SMYD2: variants seen among roughly 807,000 people sequenced by gnomAD.
SMYD2 encodes the protein SET and MYND domain containing 2, also known as N-lysine methyltransferase SMYD2.
A neutral mutation model predicts 59.1 loss-of-function variants in SMYD2; 53 were observed. The observed-to-expected ratio is 0.90, with a 90% CI of 0.72 to 1.13. The LOEUF is 1.13. SMYD2 is among the 50% of genes most tolerant of loss of function. The pLI, the probability that SMYD2 is intolerant of heterozygous loss-of-function variation, is 0.00. For missense variants in SMYD2, 494 were observed against 544.7 expected (o/e 0.91, Z 0.93); for synonymous variants, 208 against 198.8 (o/e 1.05, Z -0.39).
At chr1:214,321,577 A>G (rs1439309140) in intron 5 of SMYD2, among the ~76,000 whole-genome samples, 3 of 152,156 alleles carry the variant, frequency 2.0e-5, no homozygotes, top group African/African-American at 4.8e-5. Flanking sequence ...CGTCTGGTCC[A>G]TGGGAGGCTG....
intron 1 of SMYD2, among the ~76,000 whole-genome samples, chr1:214,300,087 A>G (rs1656797479): frequency 6.6e-6 from 1 of 152,238 alleles, no homozygotes; most frequent in Non-Finnish European, 1.5e-5. Context: ...CCTTAGCATC[A>G]TGCAAAATCC....
In SMYD2 at chr1:214,334,308, G is replaced by T. The variant is rs780319511; in HGVS notation, c.1221G>T (p.Lys407Asn). The T allele has an allele frequency of 1.2e-5, 19 of 1,612,970 alleles. No individual in the cohort carries two copies. Among genetic ancestry groups the T allele is most frequent in the Non-Finnish European group, 1.5e-5 (18 of 1,179,894 alleles). Residue 407 changes from lysine to asparagine, a missense_variant and splice_region_variant, in exon 11 of 12, where the codon AAG becomes AAT. Transcript: ENST00000366957. Reference sequence around the variant, plus strand: ...CCGCAGGGGAGAAAGCCCTGAAGAAGGTATGTCTGTAACTCGGCCTTAGGA... The same window carrying T: ...CCGCAGGGGAGAAAGCCCTGAAGAATGTATGTCTGTAACTCGGCCTTAGGA... ...HKAAGEKALK[K>N]AIAIMEVAHG... is the part of the protein sequence containing the mutation.
intron 1 of SMYD2, among the ~76,000 whole-genome samples, chr1:214,296,872 TC>T (rs1344769860): frequency 1.3e-5 from 2 of 152,226 alleles, no homozygotes; most frequent in Non-Finnish European, 1.5e-5. Flanking sequence ...GCTGAGGTTT[TC>T]TTTCTTAAAA....
intron 3 of SMYD2, 81 bp from the exon 4 acceptor site, chr1:214,317,998 T>C (rs1657111656): frequency 4.0e-6 from 5 of 1,237,712 alleles, no homozygotes; most frequent in East Asian, 2.3e-5. Context: ...TTCTTTATGT[T>C]GATGTAAAAG....
intron 1 of SMYD2, among the ~76,000 whole-genome samples, chr1:214,288,395 G>T (rs537894072): frequency 6.6e-6 from 1 of 152,148 alleles, no homozygotes; most frequent in Non-Finnish European, 1.5e-5. Context: ...GCCTCTTAAA[G>T]GCCGGACTCC....
intron 7 of SMYD2, 51 bp downstream of exon 7, chr1:214,327,775 T>C: frequency 6.9e-7 from 1 of 1,455,236 alleles, no homozygotes; most frequent in Non-Finnish European, 9.7e-7. Flanking sequence ...GACTGCTCTT[T>C]AAAAGGCAAT....
intron 1 of SMYD2, among the ~76,000 whole-genome samples, chr1:214,293,426 C>T (rs1407871619): frequency 2.0e-5 from 3 of 152,146 alleles, no homozygotes; most frequent in East Asian, 3.9e-4. Context: ...ATTTATTTTA[C>T]AATAATTTAA....
intron 3 of SMYD2, among the ~76,000 whole-genome samples, chr1:214,316,132 G>T (rs1169995519): frequency 6.6e-6 from 1 of 152,154 alleles, no homozygotes; most frequent in Admixed American, 6.5e-5. Context: ...CCTCAGTGCT[G>T]TCAGAGAAGT....
intron 1 of SMYD2, among the ~76,000 whole-genome samples, chr1:214,298,453 A>G (rs1312210941): frequency 6.6e-6 from 1 of 152,242 alleles, no homozygotes; most frequent in Non-Finnish European, 1.5e-5. Context: ...TAAAAATCCT[A>G]GAACACCTAG....
intron 2 of SMYD2, among the ~76,000 whole-genome samples, chr1:214,308,583 A>G (rs1048708274): frequency 6.6e-6 from 1 of 152,116 alleles, no homozygotes; most frequent in African/African-American, 2.4e-5. Flanking sequence ...TGAGGAAGGT[A>G]ATTGAGTGAT....
At chr1:214,293,050 TGTGTGTGTGTGTGTGTG>T (rs1656663375) in intron 1 of SMYD2, among the ~76,000 whole-genome samples, 1 of 139,486 alleles carries the variant, frequency 7.2e-6, no homozygotes, top group African/African-American at 3.0e-5. Flanking sequence ...TGTGTGTGTG[TGTGTGTGTGTGTGTGTG>T]TTTGAGACAG....
chr1:214,336,865 C>A lies in SMYD2; in HGVS notation c.*81C>A. The stretch of plus-strand genomic sequence containing the variant: ...TTTGAATATTTCAAATTGCACACGT[C>A]ACTCCAGCATCTCTGTAAAATAATT... On this transcript the variant is annotated 3_prime_UTR_variant, in exon 12 of 12. Coordinates refer to ENST00000366957, the MANE Select transcript of SMYD2 (RefSeq NM_020197.3). The A allele has an allele frequency of 1.7e-6, 2 of 1,197,482 alleles. No individual in the cohort carries two copies. Among genetic ancestry groups the A allele is most frequent in the South Asian group, 1.3e-5 (1 of 74,730 alleles). The allele number at this position is 1,197,482 out of a possible 1,614,324, so 74.2% of individuals were successfully genotyped here.
At chr1:214,306,303 G>A (rs1205959393) in intron 2 of SMYD2, among the ~76,000 whole-genome samples, 1 of 149,916 alleles carries the variant, frequency 6.7e-6, no homozygotes, top group African/African-American at 2.5e-5. Context: ...CTACACTGTT[G>A]GCTTCTGAAA....
chr1:214,304,558 CAAAAAAAAAAAA>C (rs56254326), intron 1 of SMYD2, among the ~76,000 whole-genome samples: 1 of 48,040 alleles, frequency 2.1e-5, no homozygotes, highest in Non-Finnish European at 3.7e-5. Context: ...GACCCTATCT[CAAAAAAAAAAAA>C]AAAAAAAAAA....
At chr1:214,309,826 A>G (rs1464734167) in intron 2 of SMYD2, among the ~76,000 whole-genome samples, 2 of 152,132 alleles carry the variant, frequency 1.3e-5, no homozygotes, top group Non-Finnish European at 2.9e-5. Flanking sequence ...CATTGCTTGT[A>G]TTGGGAAAAC....
intron 2 of SMYD2, among the ~76,000 whole-genome samples, chr1:214,307,430 T>C (rs182328974): frequency 2.0e-5 from 3 of 152,324 alleles, no homozygotes; most frequent in Admixed American, 1.3e-4. Flanking sequence ...ATAAACAGCA[T>C]AGTTTTGATT....
intron 5 of SMYD2, 87 bp downstream of exon 5, chr1:214,319,070 G>A (rs1657130446): frequency 6.7e-7 from 1 of 1,489,714 alleles, no homozygotes; most frequent in Non-Finnish European, 9.1e-7. Context: ...GAAGATGAAT[G>A]CAAATAGAAT....
chr1:214,327,833 C>A (rs1657287694), intron 7 of SMYD2, 109 bp downstream of exon 7: 2 of 912,116 alleles, frequency 2.2e-6, no homozygotes, highest in Non-Finnish European at 3.5e-6. Flanking sequence ...TTGTGAATGC[C>A]TCCAGCAGTT....
chr1:214,285,865 C>A (rs1054833898), intron 1 of SMYD2, among the ~76,000 whole-genome samples: 2 of 152,178 alleles, frequency 1.3e-5, no homozygotes, highest in Non-Finnish European at 2.9e-5. Context: ...AGGTTACAAA[C>A]CTGTACAGCA....
Sources: allele counts gnomAD v4.1 joint callset (sites outside exome capture counted in the v4.1 genomes callset), GRCh38; gene constraint gnomAD v4.1.1; transcripts MANE v1.5; gene names NCBI Gene and HGNC (gene_info 2026-07-23, HGNC 2026-07-21).